Variants in ABCA4 observed in about 807,000 individuals in gnomAD.
The protein encoded by ABCA4 is retinal-specific phospholipid-transporting ATPase ABCA4.
In ABCA4, 196 loss-of-function variants were observed where a neutral mutation model predicts 263.7. That is an observed-to-expected ratio of 0.74 (90% CI 0.66 to 0.84). The LOEUF (loss-of-function observed/expected upper bound fraction) is 0.84, where lower values mean the gene tolerates loss of function less well. ABCA4 is among the 40% of genes least tolerant of loss of function. ABCA4 has a pLI of 0.00. For synonymous variants in ABCA4, 1,133 were observed against 1,094.2 expected (o/e 1.04, Z -0.70); for missense variants, 2,792 against 2,855.1 (o/e 0.98, Z 0.50).
chr1:94,080,793 C>A (rs563097018), intron 7 of ABCA4, 75 bp from the exon 8 acceptor site: 17 of 1,597,784 alleles, frequency 1.1e-5, no homozygotes, highest in East Asian at 4.5e-5. Context: ...AATGCTCCAA[C>A]GTTTGGTTTG....
At chr1:94,069,611 A>T (rs530575141) in intron 11 of ABCA4, among the ~76,000 whole-genome samples, 9 of 152,216 alleles carry the variant, frequency 5.9e-5, no homozygotes, top group Non-Finnish European at 1.2e-4. Flanking sequence ...CCTTTTGAGA[A>T]ATGCCAATGG....
chr1:94,001,601 G>C (rs765783325), intron 45 of ABCA4: 62 of 648,504 alleles, frequency 9.6e-5, no homozygotes, highest in East Asian at 3.2e-5. Context: ...GCTGTGAGCC[G>C]ATGGCCCCAC....
rs35998587 is a variant in ABCA4, at chr1:94,028,930, A to AAAAAAAAAAAAC, written c.4539+514_4539+515insGTTTTTTTTTTT. ...TCAAAAAAAAAAAAAAAAAAAAAAA[A>AAAAAAAAAAAAC]GAAATTCAAACAATGGGATAATATA... On this transcript the variant is annotated intron_variant, in intron 30 of 49. Transcript: ENST00000370225. 1.2e-4 allele frequency among the ~76,000 whole-genome samples: 13 copies of AAAAAAAAAAAAC among 108,032 alleles called. 1 individual carries two copies. The highest frequency in any genetic ancestry group is 2.9e-4 in the South Asian group (1 of 3,506). The allele number at this position is 108,032 out of a possible 152,430, so 70.9% of individuals were successfully genotyped here. A position where few individuals can be genotyped will look rare whatever the true frequency, so the allele number is the denominator to read the frequency against.
chr1:94,019,561 G>T (rs747063382), intron 36 of ABCA4, 21 bp downstream of exon 36: 8 of 1,583,202 alleles, frequency 5.1e-6, no homozygotes, highest in East Asian at 2.3e-5. Flanking sequence ...GGGGAGGGAG[G>T]CGCTGTAAAC....
At chr1:94,083,262 G>T in intron 7 of ABCA4, 90 bp downstream of exon 7, 1 of 1,179,636 alleles carries the variant, frequency 8.5e-7, no homozygotes, top group Non-Finnish European at 1.3e-6. Flanking sequence ...CCTTGAACAG[G>T]TTTGAAATAC....
Position 94,047,031 on chromosome 1 carries a change from T to C in ABCA4, c.2806A>G (p.Lys936Glu), listed in dbSNP as rs1660704451. The change falls in exon 19 of 50, where the codon AAG (lysine) becomes GAG (glutamate). Residue 936 changes from lysine to glutamate, a missense_variant. By Grantham distance (56) the Lys-to-Glu change is moderately conservative. Transcript: ENST00000370225. Reference sequence around the variant, plus strand: ...GGCCGGCCACAGGGCTCAAAAATCTTTACCAGATTCTTCACGCATACCCCA... The same window carrying C: ...GGCCGGCCACAGGGCTCAAAAATCTCTACCAGATTCTTCACGCATACCCCA... ...VPGVCVKNLVKIFEPCGRPAV... is the reference protein window; with the variant it reads ...VPGVCVKNLVEIFEPCGRPAV... 6.2e-7 allele frequency: 1 copy of C among 1,614,022 alleles called. No individual in the cohort carries two copies. The highest frequency in any genetic ancestry group is 1.3e-5 in the African/African-American group (1 of 74,900).
chr1:94,000,971 C>T (rs1346230353), intron 46 of ABCA4, 31 bp downstream of exon 46: 5 of 1,613,964 alleles, frequency 3.1e-6, no homozygotes, highest in East Asian at 2.2e-5. Flanking sequence ...AGGATTCCCA[C>T]CCACCTTCCC....
chr1:94,095,569 GGGCCCCTTCCCT>G (rs982028627), intron 6 of ABCA4, among the ~76,000 whole-genome samples: 2 of 152,088 alleles, frequency 1.3e-5, no homozygotes, highest in Admixed American at 1.3e-4. Context: ...CGTCCCAGCG[GGGCCCCTTCCCT>G]GGCCCCGGAG....
intron 16 of ABCA4, among the ~76,000 whole-genome samples, 154 bp from the exon 17 acceptor site, chr1:94,051,852 A>G (rs746285898): frequency 1.3e-5 from 2 of 152,228 alleles, no homozygotes; most frequent in African/African-American, 2.4e-5. Context: ...TCAGGCTCCC[A>G]GAAAGACTAC....
chr1:94,063,221 C>G lies in ABCA4; in HGVS notation c.1651G>C (p.Val551Leu). The part of the protein sequence containing the change: ...LLEENMFWAG[V>L]VFPDMYPWTS... ...CAGGGATACATGTCAGGGAATACCA[C>G]TCCGGCCCAGAACATGTTTTCCTCC... is the stretch of plus-strand genomic sequence containing the variant. Residue 551 changes from valine (V) to leucine (L), a missense_variant, in exon 12 of 50, where the codon GTG becomes CTG. Coordinates refer to ENST00000370225, the MANE Select transcript of ABCA4 (RefSeq NM_000350.3). The G allele has an allele frequency of 6.2e-7, 1 of 1,614,138 alleles. No homozygotes were observed. Among genetic ancestry groups the G allele is most frequent in the Non-Finnish European group, 8.5e-7 (1 of 1,180,000 alleles).
intron 10 of ABCA4, among the ~76,000 whole-genome samples, 183 bp downstream of exon 10, chr1:94,078,407 C>G (rs780944530): frequency 6.6e-6 from 1 of 152,222 alleles, no homozygotes; most frequent in Non-Finnish European, 1.5e-5. Flanking sequence ...ACATATTTCT[C>G]ATCCAAAGTC....
intron 16 of ABCA4, among the ~76,000 whole-genome samples, chr1:94,053,995 C>T (rs2101066208): frequency 6.6e-6 from 1 of 152,356 alleles, no homozygotes; most frequent in South Asian, 2.1e-4. Flanking sequence ...CTTTTGGCTA[C>T]AGCATCAAGA....
chr1:94,091,164 A>G (rs1661956107), intron 6 of ABCA4, among the ~76,000 whole-genome samples: 1 of 152,208 alleles, frequency 6.6e-6, no homozygotes, highest in Admixed American at 6.5e-5. Context: ...TTGTGTGGTT[A>G]ATACCCTTTT....
intron 31 of ABCA4, 38 bp from the exon 32 acceptor site, chr1:94,023,456 A>G (rs1178164362): frequency 6.6e-7 from 1 of 1,514,444 alleles, no homozygotes; most frequent in South Asian, 1.1e-5. Flanking sequence ...GAATACCACA[A>G]GTACAGCAGT....
intron 21 of ABCA4, 78 bp from the exon 22 acceptor site, chr1:94,042,976 G>T (rs1158126744): frequency 1.3e-6 from 2 of 1,589,528 alleles, no homozygotes; most frequent in African/African-American, 1.3e-5. Flanking sequence ...AAGTGGCATT[G>T]TGGGGGTACC....
chr1:94,110,007 C>G (rs944398788), intron 3 of ABCA4, among the ~76,000 whole-genome samples: 4 of 152,184 alleles, frequency 2.6e-5, no homozygotes, highest in African/African-American at 9.7e-5. Flanking sequence ...AGGGCCGTTC[C>G]CACCAAAGCT....
Position 94,000,770 on chromosome 1 carries a change from T to C in ABCA4, c.6479+66A>G, listed in dbSNP as rs1022392336. ...GCAGCAGGACTCTTCCAAGTGTCAA[T>C]GGAGAACACAGGATCCAGGTGGATC... On this transcript the variant is annotated intron_variant, in intron 47 of 49. Coordinates refer to ENST00000370225, the MANE Select transcript of ABCA4 (RefSeq NM_000350.3). 12 of 1,527,868 alleles carry C rather than the reference T, an allele frequency of 7.9e-6. No individual in the cohort carries two copies. The African/African-American group carries it at 1.6e-4, about 21-fold the overall frequency. 94.6% of individuals were successfully genotyped at this position (1,527,868 alleles called of 1,614,324 possible). A position where few individuals can be genotyped will look rare whatever the true frequency, so the allele number is the denominator to read the frequency against.
chr1:94,074,556 A>G (rs1331491778), intron 11 of ABCA4, among the ~76,000 whole-genome samples: 1 of 152,256 alleles, frequency 6.6e-6, no homozygotes, highest in Non-Finnish European at 1.5e-5. Flanking sequence ...AAAAGAAACT[A>G]TCATTAGCGT....
intron 8 of ABCA4, among the ~76,000 whole-genome samples, chr1:94,080,085 C>T (rs890539482): frequency 1.4e-4 from 22 of 152,128 alleles, no homozygotes; most frequent in African/African-American, 4.8e-4. Flanking sequence ...TAGATTTTCA[C>T]GATATTGTGT....
Sources: allele counts gnomAD v4.1 joint callset (sites outside exome capture counted in the v4.1 genomes callset), GRCh38; gene constraint gnomAD v4.1.1; transcripts MANE v1.5; gene names NCBI Gene and HGNC (gene_info 2026-07-23, HGNC 2026-07-21).